Variants in DMD observed in about 807,000 individuals in gnomAD.
DMD encodes mutant dystrophin.
Under a neutral mutation model 330.1 loss-of-function variants are expected in DMD, and 63 were observed. That is an observed-to-expected ratio of 0.19 (90% CI 0.16 to 0.24). DMD has a LOEUF of 0.24. Ranked by LOEUF, DMD falls within the 10% of genes least tolerant of loss-of-function variation. The probability of loss-of-function intolerance (pLI) is 1.00; values close to 1 mark genes in which losing one functional copy is unlikely to be tolerated. For missense variants in DMD, 3,344 were observed against 2,684.1 expected, an observed-to-expected ratio of 1.25 and a Z score of -5.43; for synonymous variants, 1,223 against 959.8, an observed-to-expected ratio of 1.27 and a Z score of -5.07.
chrX:31,366,507 A>AAT (rs2059262508), intron 60 of DMD, among the ~76,000 whole-genome samples: 1 of 85,903 alleles, frequency 1.2e-5, no homozygotes, highest in East Asian at 4.1e-4. Context: ...CATAAAAAAA[A>AAT]AAATAAATAA....
At chrX:31,600,516 T>G (rs1234770882) in intron 55 of DMD, among the ~76,000 whole-genome samples, 3 of 99,580 alleles carry the variant, frequency 3.0e-5, no homozygotes, top group African/African-American at 1.1e-4. Flanking sequence ...TATGGTTTTT[T>G]TTTTTTTTTT....
intron 2 of DMD, among the ~76,000 whole-genome samples, chrX:32,897,168 AAACAAGG>A (rs1315791544): frequency 7.1e-5 from 8 of 111,900 alleles, no homozygotes; most frequent in Non-Finnish European, 1.3e-4. Flanking sequence ...TAGAAGTTCA[AAACAAGG>A]CTTTGGTTCA....
In DMD at chrX:32,878,560, A is replaced by C. The variant is rs781386442; in HGVS notation, c.94-28740T>G. Among the ~76,000 whole-genome samples, 867 of 111,783 alleles carry C rather than the reference A, an allele frequency of 7.8e-3. 10 individuals carry two copies. The highest frequency in any genetic ancestry group is 0.053 in the East Asian group (187 of 3,533). ...TCTTGTAGCTATACTACAAAACTAC[A>C]ATACTACAGTATCTGTATTACTTTA... On this transcript the variant is annotated intron_variant, in intron 2 of 78. Coordinates refer to ENST00000357033, the MANE Select transcript of DMD (RefSeq NM_004006.3).
intron 2 of DMD, among the ~76,000 whole-genome samples, chrX:32,875,023 T>TTACAA (rs2083273958): frequency 8.9e-6 from 1 of 112,262 alleles, no homozygotes; most frequent in East Asian, 2.8e-4. Flanking sequence ...TGAACACGGC[T>TTACAA]GAATTCCTGA....
At chrX:32,308,490 A>C (rs1488903242) in intron 42 of DMD, among the ~76,000 whole-genome samples, 2 of 111,225 alleles carry the variant, frequency 1.8e-5, no homozygotes, top group Non-Finnish European at 3.8e-5. Context: ...CCTTCAAAAA[A>C]GTCAATGAAG....
At chrX:32,303,341 G>A (rs2097529823) in intron 42 of DMD, among the ~76,000 whole-genome samples, 1 of 110,900 alleles carries the variant, frequency 9.0e-6, no homozygotes, top group Admixed American at 9.6e-5. Flanking sequence ...ACCTTTAAGT[G>A]CTAGGTGCTG....
At chrX:31,918,714 T>C (rs1025381667) in intron 47 of DMD, among the ~76,000 whole-genome samples, 20 of 110,296 alleles carry the variant, frequency 1.8e-4, no homozygotes, top group African/African-American at 5.9e-4. Flanking sequence ...CTCCTTTCAC[T>C]GCAACCTCCG....
intron 28 of DMD, 49 bp from the exon 29 acceptor site, chrX:32,438,439 C>T (rs1432415835): frequency 1.1e-5 from 13 of 1,160,329 alleles, no homozygotes; most frequent in Non-Finnish European, 1.3e-5. Context: ...TTTCTAAATA[C>T]ATTGGATTAT....
chrX:31,589,020 T>C (rs1346809030), intron 55 of DMD, among the ~76,000 whole-genome samples: 1 of 108,613 alleles, frequency 9.2e-6, no homozygotes, highest in Non-Finnish European at 1.9e-5. Flanking sequence ...TTCATTTCAA[T>C]CCAATTTACC....
intron 16 of DMD, among the ~76,000 whole-genome samples, chrX:32,557,674 G>A (rs1296612319): frequency 9.0e-6 from 1 of 111,573 alleles, no homozygotes; most frequent in Non-Finnish European, 1.9e-5. Context: ...GTAGCACAAG[G>A]CACAAAAATC....
intron 7 of DMD, among the ~76,000 whole-genome samples, chrX:32,720,723 T>G (rs1165869999): frequency 4.5e-5 from 5 of 111,743 alleles, no homozygotes; most frequent in Non-Finnish European, 9.4e-5. Context: ...GATCAAATCT[T>G]TCTCATAATG....
intron 1 of DMD, among the ~76,000 whole-genome samples, chrX:33,193,171 G>T (rs1246157839): frequency 9.0e-6 from 1 of 111,204 alleles, no homozygotes; most frequent in Non-Finnish European, 1.9e-5. Flanking sequence ...GGCGGGCATG[G>T]TGGGACCCGC....
At chrX:32,040,812 T>C (rs925779304) in intron 44 of DMD, among the ~76,000 whole-genome samples, 2 of 111,238 alleles carry the variant, frequency 1.8e-5, no homozygotes, top group African/African-American at 6.5e-5. Context: ...ACTGAAAAGC[T>C]GCATGGGCCA....
chrX:32,499,434 T>C (rs891097803), intron 19 of DMD, among the ~76,000 whole-genome samples: 16 of 111,530 alleles, frequency 1.4e-4, no homozygotes, highest in African/African-American at 5.2e-4. Flanking sequence ...GAGTGGTTTA[T>C]ACAAGAGTGG....
chrX:32,380,639 C>T lies in DMD; in HGVS notation c.4716G>A (p.Leu1572=), dbSNP rs2147472301. 1 of 1,208,874 alleles carries T rather than the reference C, an allele frequency of 8.3e-7. No individual in the cohort carries two copies. Among genetic ancestry groups the T allele is most frequent in the Non-Finnish European group, 1.1e-6 (1 of 894,331 alleles). The part of the protein sequence containing the change: ...RKQQLEKCLK[L]SRKMRKEMNV... ...TCATTTCCTTTCGCATCTTACGGGA[C>T]AATTTCAAGCATTTCTCCAACTGTT... The change falls in exon 34 of 79, where the codon TTG becomes TTA. Residue 1572 remains leucine (L), a synonymous_variant. Transcript: ENST00000357033.
In DMD at chrX:31,664,098, C is replaced by T. The variant is rs746713650; in HGVS notation, c.7873-5954G>A. 9.9e-5 allele frequency among the ~76,000 whole-genome samples: 11 copies of T among 111,565 alleles called. No homozygotes were observed. In the South Asian group the frequency reaches 4.1e-3, roughly 42 times the overall value. ...GGTCATGCGCCTTGCTTTGCCTAAT[C>T]CCAGTGGGATATTACTAGAAGTAAC... On this transcript the variant is annotated intron_variant, in intron 53 of 78. Coordinates refer to ENST00000357033, the MANE Select transcript of DMD (RefSeq NM_004006.3).
At chrX:31,266,853 G>C (rs766829742) in intron 62 of DMD, 3 of 1,202,549 alleles carry the variant, frequency 2.5e-6, no homozygotes, top group Non-Finnish European at 3.4e-6. Context: ...CCGCGGTCGA[G>C]TGTGGGTACG....
In DMD at chrX:32,346,015, G is replaced by A; in HGVS notation, c.5514C>T (p.Ile1838=). ...TTTCCTCTCGCTTTCTCTCATCTGT[G>A]ATTCTTTGTTGTAAGTTGTCTCCTC... ...LQRGDNLQQR[I]TDERKREEIK... is the part of the protein sequence containing the mutation. The change falls in exon 39 of 79, where the codon ATC becomes ATT. Residue 1838 remains isoleucine, a synonymous_variant. Transcript: ENST00000357033. The A allele has an allele frequency of 8.3e-7, 1 of 1,208,909 alleles. No homozygotes were observed. The highest frequency in any genetic ancestry group is 1.1e-6 in the Non-Finnish European group (1 of 893,742).
chrX:33,216,468 T>C (rs141449138), upstream of DMD, among the ~76,000 whole-genome samples: 1,268 of 110,813 alleles, frequency 0.011, 20 homozygotes, highest in African/African-American at 0.039. Context: ...GGGAAGCGGG[T>C]GTGAGCTGAA....
Sources: allele counts gnomAD v4.1 joint callset (sites outside exome capture counted in the v4.1 genomes callset), GRCh38; gene constraint gnomAD v4.1.1; transcripts MANE v1.5; gene names NCBI Gene and HGNC (gene_info 2026-07-23, HGNC 2026-07-21).